The following GRM5 variants were observed in gnomAD, a reference collection of about 807,000 sequenced individuals.
GRM5 encodes glutamate metabotropic receptor 5.
In GRM5, 19 loss-of-function variants were observed where a neutral mutation model predicts 83.1. That is an observed-to-expected ratio of 0.23 (90% CI 0.16 to 0.34). The LOEUF is 0.34. Ranked by LOEUF, GRM5 falls within the 10% of genes least tolerant of loss-of-function variation. The pLI is 1.00. For missense variants in GRM5, 1,160 were observed against 1,588.3 expected, an observed-to-expected ratio of 0.73 and a Z score of 4.58; for synonymous variants, 675 against 633.6, an observed-to-expected ratio of 1.07 and a Z score of -0.98.
intron 8 of GRM5, among the ~76,000 whole-genome samples, chr11:88,543,507 T>A (rs1205105795): frequency 1.4e-5 from 2 of 140,906 alleles, no homozygotes; most frequent in African/African-American, 2.6e-5. Context: ...GACTCAATAA[T>A]AAAAAAAGTG....
At chr11:88,965,436 C>G (rs1168830275) in intron 2 of GRM5, among the ~76,000 whole-genome samples, 2 of 152,036 alleles carry the variant, frequency 1.3e-5, no homozygotes, top group African/African-American at 2.4e-5. Context: ...TTCTAAAAAC[C>G]CTACCTCCAA....
intron 2 of GRM5, among the ~76,000 whole-genome samples, chr11:89,033,707 A>T (rs1265797576): frequency 6.6e-6 from 1 of 151,922 alleles, no homozygotes; most frequent in Non-Finnish European, 1.5e-5. Flanking sequence ...AAAAATTTCC[A>T]GCCAAACATA....
chr11:88,632,033 C>T (rs1462184363), intron 4 of GRM5, among the ~76,000 whole-genome samples: 2 of 152,000 alleles, frequency 1.3e-5, no homozygotes, highest in Non-Finnish European at 1.5e-5. Context: ...TGAAACTGAA[C>T]ACTTTGATAA....
At chr11:89,027,526 A>G (rs1941155065) in intron 2 of GRM5, among the ~76,000 whole-genome samples, 1 of 152,210 alleles carries the variant, frequency 6.6e-6, no homozygotes, top group Admixed American at 6.5e-5. Context: ...TTTATGACAA[A>G]GCTTCTGATT....
At chr11:89,055,650 T>C (rs1211773489) in intron 1 of GRM5, among the ~76,000 whole-genome samples, 1 of 152,004 alleles carries the variant, frequency 6.6e-6, no homozygotes, top group African/African-American at 2.4e-5. Context: ...TCAGCTCTTA[T>C]ATAATTTTCA....
chr11:88,741,781 G>T (rs1239051873), intron 3 of GRM5, among the ~76,000 whole-genome samples: 1 of 152,042 alleles, frequency 6.6e-6, no homozygotes, highest in Non-Finnish European at 1.5e-5. Context: ...CACATGGAAA[G>T]CAGTAGTGGC....
At chr11:88,955,319 T>C (rs1403495180) in intron 2 of GRM5, among the ~76,000 whole-genome samples, 1 of 152,194 alleles carries the variant, frequency 6.6e-6, no homozygotes, top group Non-Finnish European at 1.5e-5. Context: ...CTAATGTGTA[T>C]AAACAATGAC....
chr11:88,968,409 A>G (rs1258357516), intron 2 of GRM5, among the ~76,000 whole-genome samples: 1 of 152,114 alleles, frequency 6.6e-6, no homozygotes, highest in African/African-American at 2.4e-5. Context: ...AGGACTGAGC[A>G]TGGTGGTTCA....
At chr11:88,656,208 A>AT (rs143833081) in intron 3 of GRM5, among the ~76,000 whole-genome samples, 8,513 of 152,034 alleles carry the variant, frequency 0.056, 222 homozygotes, top group Middle Eastern at 0.071. Context: ...GGAAACTAAC[A>AT]TTTGCTAAAA....
intron 3 of GRM5, among the ~76,000 whole-genome samples, chr11:88,778,571 AT>A (rs1255034814): frequency 1.3e-5 from 2 of 152,106 alleles, no homozygotes; most frequent in East Asian, 3.9e-4. Context: ...AGCTGTTCCT[AT>A]TTGGCCATCT....
intron 2 of GRM5, among the ~76,000 whole-genome samples, chr11:88,994,410 A>G (rs1489142451): frequency 6.7e-6 from 1 of 149,784 alleles, no homozygotes; most frequent in East Asian, 1.9e-4. Flanking sequence ...TGCCTGACAC[A>G]AAAACCCATT....
intron 2 of GRM5, among the ~76,000 whole-genome samples, chr11:88,869,557 T>C (rs1390975380): frequency 6.6e-6 from 1 of 151,446 alleles, no homozygotes; most frequent in Non-Finnish European, 1.5e-5. Flanking sequence ...TTATAATAAT[T>C]TATATTAATA....
At chr11:88,623,252 A>T (rs140030998) in intron 4 of GRM5, among the ~76,000 whole-genome samples, 19 of 151,690 alleles carry the variant, frequency 1.3e-4, no homozygotes, top group African/African-American at 4.4e-4. Context: ...TGCCCGGCTA[A>T]TTTTTTGTAT....
At chr11:88,841,021 G>T (rs1457546979) in intron 3 of GRM5, among the ~76,000 whole-genome samples, 1 of 152,108 alleles carries the variant, frequency 6.6e-6, no homozygotes, top group Non-Finnish European at 1.5e-5. Flanking sequence ...TCCCTTCAAT[G>T]CTAGAAGATT....
chr11:89,044,273 GCT>G (rs1219671127), intron 2 of GRM5, among the ~76,000 whole-genome samples: 2 of 152,088 alleles, frequency 1.3e-5, no homozygotes, highest in African/African-American at 2.4e-5. Flanking sequence ...TTTAAAAAAT[GCT>G]TTCTTTTTTC....
intron 3 of GRM5, among the ~76,000 whole-genome samples, chr11:88,732,550 A>G (rs1941829883): frequency 1.3e-5 from 2 of 152,126 alleles, no homozygotes; most frequent in Admixed American, 6.6e-5. Context: ...AAATCGCCTT[A>G]TTTTTCAGAT....
At chr11:89,009,900 CAAAAAAAAAAA>C (rs758398638) in intron 2 of GRM5, among the ~76,000 whole-genome samples, 18 of 21,688 alleles carry the variant, frequency 8.3e-4, no homozygotes, top group Admixed American at 1.7e-3. Context: ...GACTCCGTCT[CAAAAAAAAAAA>C]AAAAAAAAAA....
intron 3 of GRM5, among the ~76,000 whole-genome samples, chr11:88,687,579 A>ATATATTTTATAT (rs1250226972): frequency 2.1e-5 from 1 of 46,880 alleles, no homozygotes. Flanking sequence ...ATATATATAT[A>ATATATTTTATAT]ATATATATAT....
chr11:88,991,314 A>G (rs1384712385), intron 2 of GRM5, among the ~76,000 whole-genome samples: 6 of 152,222 alleles, frequency 3.9e-5, no homozygotes, highest in African/African-American at 1.4e-4. Flanking sequence ...AGGGATGTGA[A>G]GGACCTCTTC....
Sources: allele counts gnomAD v4.1 joint callset (sites outside exome capture counted in the v4.1 genomes callset), GRCh38; gene constraint gnomAD v4.1.1; transcripts MANE v1.5; gene names NCBI Gene and HGNC (gene_info 2026-07-23, HGNC 2026-07-21).